CRACDL: variants seen among roughly 807,000 people sequenced by gnomAD.
CRACDL encodes the protein CRACD like, also known as CRACD-like protein.
In CRACDL, 26 loss-of-function variants were observed where a neutral mutation model predicts 70.6. That is an observed-to-expected ratio of 0.37 (90% CI 0.27 to 0.51). The LOEUF is 0.51. Among genes scored for constraint, CRACDL ranks in the 20% least tolerant of loss-of-function variants. The probability of loss-of-function intolerance (pLI) is 0.94; values close to 1 mark genes in which losing one functional copy is unlikely to be tolerated. For missense variants in CRACDL, 1,283 were observed against 1,376.9 expected (o/e 0.93, Z 1.08); for synonymous variants, 618 against 615.2 (o/e 1.00, Z -0.07).
intron 5 of CRACDL, among the ~76,000 whole-genome samples, chr2:98,831,756 G>T (rs1705551816): frequency 6.6e-6 from 1 of 152,134 alleles, no homozygotes; most frequent in African/African-American, 2.4e-5. Flanking sequence ...GTTCCTCGGG[G>T]CCCCCCTCTT....
chr2:98,907,415 C>A (rs1272234127), intron 1 of CRACDL, among the ~76,000 whole-genome samples: 1 of 152,224 alleles, frequency 6.6e-6, no homozygotes, highest in Non-Finnish European at 1.5e-5. Flanking sequence ...AGTAGTTGTT[C>A]TCTGCCGAGC....
At chr2:98,904,560 T>A (rs1558632871) in intron 1 of CRACDL, among the ~76,000 whole-genome samples, 1 of 152,250 alleles carries the variant, frequency 6.6e-6, no homozygotes, top group Non-Finnish European at 1.5e-5. Flanking sequence ...AGATACTGCA[T>A]ATGAATGCCC....
chr2:98,882,922 C>A (rs1015301446), intron 1 of CRACDL, among the ~76,000 whole-genome samples: 1 of 152,186 alleles, frequency 6.6e-6, no homozygotes, highest in Non-Finnish European at 1.5e-5. Flanking sequence ...AGAGGGATGA[C>A]CCCTTTGTAT....
chr2:98,812,842 T>A (rs888508205), intron 7 of CRACDL, among the ~76,000 whole-genome samples: 1 of 152,214 alleles, frequency 6.6e-6, no homozygotes, highest in East Asian at 1.9e-4. Flanking sequence ...AATAGGTCTT[T>A]TGCAAAGCAA....
At chr2:98,810,104 C>T (rs1176317519) in intron 7 of CRACDL, among the ~76,000 whole-genome samples, 1 of 152,094 alleles carries the variant, frequency 6.6e-6, no homozygotes, top group African/African-American at 2.4e-5. Context: ...CCACTGCAGG[C>T]TAGGAACCCC....
chr2:98,896,438 TC>T (rs1708126201), intron 1 of CRACDL, among the ~76,000 whole-genome samples: 1 of 152,110 alleles, frequency 6.6e-6, no homozygotes, highest in Non-Finnish European at 1.5e-5. Flanking sequence ...AGGAAATAAA[TC>T]CTGAGAGTGG....
chr2:98,901,828 TAAC>T (rs1316250602), intron 1 of CRACDL, among the ~76,000 whole-genome samples: 1 of 151,846 alleles, frequency 6.6e-6, no homozygotes. Flanking sequence ...TGGTGAGTAT[TAAC>T]AACAGCTTGC....
chr2:98,829,943 C>G (rs1467464311), intron 5 of CRACDL, among the ~76,000 whole-genome samples: 1 of 152,216 alleles, frequency 6.6e-6, no homozygotes, highest in Non-Finnish European at 1.5e-5. Flanking sequence ...TGAGCCAAAA[C>G]CCTCTCAGGA....
intron 7 of CRACDL, among the ~76,000 whole-genome samples, chr2:98,798,878 C>T (rs541833611): frequency 9.2e-5 from 14 of 152,060 alleles, no homozygotes; most frequent in Admixed American, 3.9e-4. Flanking sequence ...GAGATGGGGT[C>T]TTGCCATGTT....
intron 5 of CRACDL, among the ~76,000 whole-genome samples, chr2:98,830,724 G>A (rs1298160126): frequency 6.6e-6 from 1 of 152,134 alleles, no homozygotes; most frequent in East Asian, 1.9e-4. Flanking sequence ...GTTGTGCTGT[G>A]AGAGATAAAG....
chr2:98,840,249 C>T (rs868339767), intron 2 of CRACDL, among the ~76,000 whole-genome samples: 1 of 151,962 alleles, frequency 6.6e-6, no homozygotes, highest in Non-Finnish European at 1.5e-5. Flanking sequence ...TATTATGATA[C>T]CTTCTTAGAC....
At chr2:98,933,566 C>T (rs1271993790) in intron 1 of CRACDL, among the ~76,000 whole-genome samples, 1 of 152,142 alleles carries the variant, frequency 6.6e-6, no homozygotes, top group Non-Finnish European at 1.5e-5. Flanking sequence ...CACAATAAAC[C>T]CTGGGCAGGT....
At chr2:98,891,709 A>AT (rs998352516) in intron 1 of CRACDL, among the ~76,000 whole-genome samples, 4 of 152,102 alleles carry the variant, frequency 2.6e-5, no homozygotes, top group Admixed American at 6.6e-5. Context: ...AGCCCTTTAC[A>AT]TTTTTTGTCC....
chr2:98,903,841 C>T (rs1307185910), intron 1 of CRACDL, among the ~76,000 whole-genome samples: 1 of 152,224 alleles, frequency 6.6e-6, no homozygotes, highest in African/African-American at 2.4e-5. Flanking sequence ...AACATGCACA[C>T]GCGTCCACGT....
chr2:98,832,951 T>C lies in CRACDL; in HGVS notation c.286A>G (p.Ile96Val), dbSNP rs546661623. 3.7e-6 allele frequency: 6 copies of C among 1,614,004 alleles called. No individual in the cohort carries two copies. The highest frequency in any genetic ancestry group is 1.7e-5 in the Admixed American group (1 of 60,004). The change falls in exon 4 of 10, where the codon ATT (isoleucine) becomes GTT (valine). Residue 96 changes from isoleucine to valine, a missense_variant. This residue lies in a region of CRACDL where 362 missense variants were observed against 495.0 expected (regional missense o/e 0.73). Coordinates refer to ENST00000397899, the MANE Select transcript of CRACDL (RefSeq NM_207362.3). ...TCCTGTCCGGACTCAGGAATGAAAA[T>C]ACTGTCGTGAGAAAGGGCCCGGCTG... Reference protein sequence around the residue: ...LGSRALSHDSIFIPESGQDAT... With the variant: ...LGSRALSHDSVFIPESGQDAT...
rs938564899 is a variant in CRACDL, at chr2:98,906,531, G to A, written c.-11+29407C>T. The stretch of plus-strand genomic sequence containing the variant: ...CCTGCCTCGGCCTCCCAAAGTGCTG[G>A]GATTACAGGCGTGAGCCATTGCACC... On this transcript the variant is annotated intron_variant, in intron 1 of 9. Coordinates refer to ENST00000397899, the MANE Select transcript of CRACDL (RefSeq NM_207362.3). 1.0e-4 allele frequency among the ~76,000 whole-genome samples: 13 copies of A among 129,768 alleles called. No homozygotes were observed. In the Admixed American group the frequency reaches 1.2e-3, roughly 12 times the overall value. 85.1% of individuals were successfully genotyped at this position (129,768 alleles called of 152,430 possible).
At chr2:98,874,534 G>T (rs1046833573) in intron 1 of CRACDL, among the ~76,000 whole-genome samples, 3 of 152,238 alleles carry the variant, frequency 2.0e-5, no homozygotes, top group African/African-American at 7.2e-5. Flanking sequence ...ACCCCTCCCA[G>T]TGTCCAGGAG....
chr2:98,920,007 G>C (rs1397349661), intron 1 of CRACDL, among the ~76,000 whole-genome samples: 1 of 152,152 alleles, frequency 6.6e-6, no homozygotes, highest in Non-Finnish European at 1.5e-5. Flanking sequence ...TCCTGCCTCA[G>C]CCTCCCAAAT....
rs553280520 is a variant in CRACDL, at chr2:98,795,504, G to A, written c.2749+616C>T. 7.7e-4 allele frequency among the ~76,000 whole-genome samples: 118 copies of A among 152,272 alleles called. 1 individual carries two copies. Among genetic ancestry groups the A allele is most frequent in the African/African-American group, 2.7e-3 (113 of 41,568 alleles). On this transcript the variant is annotated intron_variant, in intron 9 of 9. Coordinates refer to ENST00000397899, the MANE Select transcript of CRACDL (RefSeq NM_207362.3). ...CTATTCATTAGAAATGTCCCAAAAA[G>A]GCAAATCTATAGAGACAGAGTAGAT... is the stretch of plus-strand genomic sequence containing the variant.
Sources: allele counts gnomAD v4.1 joint callset (sites outside exome capture counted in the v4.1 genomes callset), GRCh38; gene constraint gnomAD v4.1.1; regional missense constraint gnomAD v4.1.1; transcripts MANE v1.5; gene names NCBI Gene and HGNC (gene_info 2026-07-23, HGNC 2026-07-21).